NUP133: variants seen among roughly 807,000 people sequenced by gnomAD.
NUP133 encodes nuclear pore complex protein Nup133.
NUP133 carries 66 observed loss-of-function variants against 146.2 expected under a neutral mutation model. That is an observed-to-expected ratio of 0.45 (90% CI 0.37 to 0.55). The LOEUF (loss-of-function observed/expected upper bound fraction) is 0.55, where lower values mean the gene tolerates loss of function less well. Among genes scored for constraint, NUP133 ranks in the 20% least tolerant of loss-of-function variants. NUP133 has a pLI of 0.00. For missense variants in NUP133, 1,277 were observed against 1,374.8 expected, an observed-to-expected ratio of 0.93 and a Z score of 1.12; for synonymous variants, 521 against 498.8, an observed-to-expected ratio of 1.04 and a Z score of -0.59.
intron 12 of NUP133, among the ~76,000 whole-genome samples, chr1:229,480,027 T>A (rs1341341813): frequency 2.0e-5 from 3 of 152,102 alleles, no homozygotes; most frequent in Non-Finnish European, 4.4e-5. Context: ...ACTGAAAGGA[T>A]GTAGTCTTAA....
rs1203700599 is a variant in NUP133, at chr1:229,505,584, A to C, written c.301+456T>G. On this transcript the variant is annotated intron_variant, in intron 2 of 25. Coordinates refer to ENST00000261396, the MANE Select transcript of NUP133 (RefSeq NM_018230.3). Reference sequence around the variant, plus strand: ...ACAGTTAAAAAAAAAAAAAAAAAAAAAAAAAAAAACTAAGACAGGTGGCCA... The same window carrying C: ...ACAGTTAAAAAAAAAAAAAAAAAAACAAAAAAAAACTAAGACAGGTGGCCA... 2.7e-5 allele frequency among the ~76,000 whole-genome samples: 4 copies of C among 150,446 alleles called. No homozygotes were observed. The South Asian group carries it at 6.3e-4, about 24-fold the overall frequency.
intron 8 of NUP133, among the ~76,000 whole-genome samples, chr1:229,494,815 G>A (rs12078301): frequency 0.027 from 4,120 of 152,166 alleles, 196 homozygotes; most frequent in African/African-American, 0.094. Context: ...GAAAGAGGGT[G>A]GGAAATATGT....
chr1:229,455,225 C>T (rs1221303429), intron 21 of NUP133, among the ~76,000 whole-genome samples: 1 of 152,168 alleles, frequency 6.6e-6, no homozygotes, highest in African/African-American at 2.4e-5. Flanking sequence ...ATACTTGATC[C>T]AAACCACATA....
intron 15 of NUP133, among the ~76,000 whole-genome samples, chr1:229,468,235 C>T (rs1660868641): frequency 6.6e-6 from 1 of 152,104 alleles, no homozygotes; most frequent in African/African-American, 2.4e-5. Flanking sequence ...TATGGCCCAC[C>T]AATCAGAGAT....
In NUP133 at chr1:229,475,709, A is replaced by T. The variant is rs1194459251; in HGVS notation, c.1780T>A (p.Ser594Thr). The T allele has an allele frequency of 6.2e-7, 1 of 1,613,966 alleles. No homozygotes were observed. Among genetic ancestry groups the T allele is most frequent in the Admixed American group, 1.7e-5 (1 of 60,002 alleles). Residue 594 changes from serine (S) to threonine (T), a missense_variant, in exon 14 of 26, where the codon TCA becomes ACA. By Grantham distance (58) the Ser-to-Thr change is moderately conservative. Around this residue, in one of 3 missense-constraint regions of NUP133, gnomAD observed 952 missense variants for 1,047.0 expected, o/e 0.91. Coordinates refer to ENST00000261396, the MANE Select transcript of NUP133 (RefSeq NM_018230.3). ...TCTAGCTGGTGAAGGATAATCAGTG[A>T]CGTATTGCTGAACCCAGGTGCTTCT... ...PEEAPGFSNT[S>T]LIILHQLEDK...
chr1:229,484,643 T>C (rs1220099560), intron 11 of NUP133, among the ~76,000 whole-genome samples: 1 of 152,224 alleles, frequency 6.6e-6, no homozygotes, highest in Non-Finnish European at 1.5e-5. Flanking sequence ...AGGTTTGCTC[T>C]TACACGACTC....
intron 8 of NUP133, 95 bp downstream of exon 8, chr1:229,495,400 A>G: frequency 1.2e-6 from 1 of 821,862 alleles, no homozygotes; most frequent in Non-Finnish European, 2.0e-6. Context: ...CCAAAGAAAG[A>G]GCACATAGTG....
chr1:229,477,791 A>AG (rs770969980), intron 12 of NUP133, 31 bp from the exon 13 acceptor site: 1 of 1,543,678 alleles, frequency 6.5e-7, no homozygotes, highest in South Asian at 1.2e-5. Flanking sequence ...ACAAGTATTA[A>AG]GGGAGGCAAA....
At chr1:229,456,673 T>G (rs1660565200) in intron 21 of NUP133, among the ~76,000 whole-genome samples, 1 of 152,016 alleles carries the variant, frequency 6.6e-6, no homozygotes, top group African/African-American at 2.4e-5. Flanking sequence ...GCTACTGGGG[T>G]GTCACTGCAG....
At chr1:229,497,106 G>A (rs1661674381) in intron 6 of NUP133, among the ~76,000 whole-genome samples, 1 of 152,168 alleles carries the variant, frequency 6.6e-6, no homozygotes, top group African/African-American at 2.4e-5. Context: ...AGGGCAGAAA[G>A]GCCAACAGTA....
At chr1:229,479,985 C>A (rs1045698491) in intron 12 of NUP133, among the ~76,000 whole-genome samples, 2 of 152,006 alleles carry the variant, frequency 1.3e-5, no homozygotes, top group Non-Finnish European at 2.9e-5. Context: ...GGAGCCAGCA[C>A]GAGAAAGGTC....
chr1:229,480,426 T>C (rs999714101), intron 12 of NUP133, among the ~76,000 whole-genome samples: 5 of 152,150 alleles, frequency 3.3e-5, no homozygotes, highest in African/African-American at 1.2e-4. Flanking sequence ...TAATAAAAAA[T>C]TACAGAAAAA....
chr1:229,497,431 T>G (rs1164130748), intron 6 of NUP133, among the ~76,000 whole-genome samples: 2 of 152,200 alleles, frequency 1.3e-5, no homozygotes, highest in Non-Finnish European at 2.9e-5. Context: ...TTAAACATGT[T>G]AAGTTTAGGT....
chr1:229,460,616 C>A lies in NUP133; in HGVS notation c.2839G>T (p.Glu947Ter). The change falls in exon 20 of 26, where the codon GAA becomes TAA. Residue 947 changes from glutamate to a stop codon, truncating the protein, a stop_gained. Coordinates refer to ENST00000261396, the MANE Select transcript of NUP133 (RefSeq NM_018230.3). LOFTEE classifies it high-confidence loss of function. ...CATAGAAAAATCCTTCTTACCTTTTCTAATTCTTGGCTATTAATTTCATGT... is the reference window on the plus strand; with the variant it reads ...CATAGAAAAATCCTTCTTACCTTTTATAATTCTTGGCTATTAATTTCATGT... ...WLHEINSQELEKAHATLLGLA... is the reference protein window; with the variant it reads ...WLHEINSQEL 1 of 1,612,086 alleles carries A rather than the reference C, an allele frequency of 6.2e-7. No individual in the cohort carries two copies. Among genetic ancestry groups the A allele is most frequent in the Non-Finnish European group, 8.5e-7 (1 of 1,179,454 alleles).
At chr1:229,444,836 G>T in intron 25 of NUP133, 78 bp downstream of exon 25, 1 of 901,396 alleles carries the variant, frequency 1.1e-6, no homozygotes, top group Non-Finnish European at 1.8e-6. Context: ...GACAGAGCAA[G>T]ACTCCGTCTC....
chr1:229,454,371 C>A (rs1228469047), intron 21 of NUP133, among the ~76,000 whole-genome samples: 2 of 152,198 alleles, frequency 1.3e-5, no homozygotes, highest in African/African-American at 4.8e-5. Context: ...ATACTGGCAG[C>A]ATTCCCCGTG....
In NUP133 at chr1:229,495,892, C is replaced by A; in HGVS notation, c.975G>T (p.Trp325Cys). The A allele has an allele frequency of 6.3e-7, 1 of 1,584,012 alleles. No homozygotes were observed. The highest frequency in any genetic ancestry group is 8.6e-7 in the Non-Finnish European group (1 of 1,168,562). Residue 325 changes from tryptophan to cysteine, a missense_variant and splice_region_variant, in exon 7 of 26, where the codon TGG becomes TGT. Around this residue, in one of 3 missense-constraint regions of NUP133, gnomAD observed 952 missense variants for 1,047.0 expected, o/e 0.91. Coordinates refer to ENST00000261396, the MANE Select transcript of NUP133 (RefSeq NM_018230.3). The stretch of plus-strand genomic sequence containing the variant: ...AGAGATGAATATTATTGTTTCTTAC[C>A]CAAATAGCATCGGTAATGTTTTCCT... The part of the protein sequence containing the change: ...ALKENITDAI[W>C]GSESNYEAIK...
intron 9 of NUP133, among the ~76,000 whole-genome samples, 182 bp downstream of exon 9, chr1:229,489,773 A>C (rs1454648684): frequency 2.6e-5 from 4 of 152,238 alleles, no homozygotes; most frequent in African/African-American, 9.6e-5. Flanking sequence ...CGGGAGGCTG[A>C]GGCAGGAGAA....
chr1:229,467,292 T>C (rs1378277439), intron 15 of NUP133, among the ~76,000 whole-genome samples: 1 of 152,162 alleles, frequency 6.6e-6, no homozygotes, highest in Non-Finnish European at 1.5e-5. Flanking sequence ...AGTGCAAAAA[T>C]ACCATCAGGC....
Sources: allele counts gnomAD v4.1 joint callset (sites outside exome capture counted in the v4.1 genomes callset), GRCh38; gene constraint gnomAD v4.1.1; regional missense constraint gnomAD v4.1.1; transcripts MANE v1.5; gene names NCBI Gene and HGNC (gene_info 2026-07-23, HGNC 2026-07-21).